ZFPM2: variants seen among roughly 807,000 people sequenced by gnomAD.
ZFPM2 encodes the protein zinc finger protein ZFPM2.
Under a neutral mutation model 98.6 loss-of-function variants are expected in ZFPM2, and 20 were observed. That is an observed-to-expected ratio of 0.20 (90% CI 0.14 to 0.29). ZFPM2 has a LOEUF of 0.29. ZFPM2 is among the 10% of genes least tolerant of loss of function. ZFPM2 has a pLI of 1.00. For missense variants in ZFPM2, 1,310 were observed against 1,388.6 expected, an observed-to-expected ratio of 0.94 and a Z score of 0.90; for synonymous variants, 518 against 502.7, an observed-to-expected ratio of 1.03 and a Z score of -0.41.
intron 5 of ZFPM2, among the ~76,000 whole-genome samples, chr8:105,699,372 A>G (rs1033499612): frequency 6.6e-6 from 1 of 152,140 alleles, no homozygotes; most frequent in Non-Finnish European, 1.5e-5. Flanking sequence ...AAGAGAGATG[A>G]TGTTATTAAA....
chr8:105,417,217 TTAAC>T (rs755126176), intron 1 of ZFPM2, among the ~76,000 whole-genome samples: 88 of 152,248 alleles, frequency 5.8e-4, no homozygotes, highest in Non-Finnish European at 1.1e-3. Context: ...CTTATTCTAG[TTAAC>T]TAACCTCGTG....
chr8:105,382,712 T>C (rs538452841), intron 1 of ZFPM2, among the ~76,000 whole-genome samples: 8 of 152,118 alleles, frequency 5.3e-5, no homozygotes, highest in Admixed American at 6.6e-5. Flanking sequence ...AGACTAAGTA[T>C]AGGGGAAGGT....
Position 105,801,282 on chromosome 8 carries a change from T to C in ZFPM2, c.1200T>C (p.Ser400=). 1.9e-6 allele frequency: 3 copies of C among 1,613,818 alleles called. No individual in the cohort carries two copies. The highest frequency in any genetic ancestry group is 2.5e-6 in the Non-Finnish European group (3 of 1,179,844). The part of the protein sequence containing the change: ...KLPRESDMEH[S]PSATEDSLQP... Reference sequence around the variant, plus strand: ...CCAGAGAAAGTGACATGGAACACTCTCCAAGTGCAACTGAAGACAGCTTAC... The same window carrying C: ...CCAGAGAAAGTGACATGGAACACTCCCCAAGTGCAACTGAAGACAGCTTAC... Residue 400 remains serine (S), a synonymous_variant, in exon 8 of 8, where the codon TCT becomes TCC. Transcript: ENST00000407775.
chr8:105,337,705 A>C (rs1177749337), intron 1 of ZFPM2, among the ~76,000 whole-genome samples: 5 of 151,476 alleles, frequency 3.3e-5, no homozygotes, highest in East Asian at 1.9e-4. Flanking sequence ...ACAGAGATGA[A>C]AATTCTTTTT....
chr8:105,467,409 C>T (rs765615997), intron 3 of ZFPM2, among the ~76,000 whole-genome samples: 1 of 152,050 alleles, frequency 6.6e-6, no homozygotes, highest in African/African-American at 2.4e-5. Context: ...TAGAGGTGCT[C>T]AGTTATTGCT....
chr8:105,579,771 T>C (rs1181335660), intron 4 of ZFPM2, among the ~76,000 whole-genome samples: 1 of 152,224 alleles, frequency 6.6e-6, no homozygotes, highest in Admixed American at 6.5e-5. Context: ...AGTATTTCCA[T>C]GTTTCTTTCC....
chr8:105,406,809 G>T (rs1811468278), intron 1 of ZFPM2, among the ~76,000 whole-genome samples: 1 of 151,976 alleles, frequency 6.6e-6, no homozygotes, highest in South Asian at 2.1e-4. Context: ...CATAGGGGAG[G>T]CCTAGAGGAT....
chr8:105,703,777 T>C (rs1811197196), intron 5 of ZFPM2, among the ~76,000 whole-genome samples: 1 of 152,354 alleles, frequency 6.6e-6, no homozygotes, highest in South Asian at 2.1e-4. Context: ...ATAGGAACAC[T>C]ATCTTCATTG....
At chr8:105,730,769 C>CTTTTTTT in intron 5 of ZFPM2, among the ~76,000 whole-genome samples, 2 of 118,858 alleles carry the variant, frequency 1.7e-5, no homozygotes, top group African/African-American at 6.1e-5. Flanking sequence ...TGAACTTTTT[C>CTTTTTTT]TTTTTTCTTT....
chr8:105,779,942 G>T (rs3779783), intron 5 of ZFPM2, among the ~76,000 whole-genome samples: 25,391 of 152,138 alleles, frequency 0.17, 3,751 homozygotes, highest in African/African-American at 0.4. Flanking sequence ...TGTAGTACAC[G>T]TCACTGCGGT....
At chr8:105,744,215 T>C (rs1194364332) in intron 5 of ZFPM2, among the ~76,000 whole-genome samples, 5 of 152,112 alleles carry the variant, frequency 3.3e-5, no homozygotes, top group African/African-American at 7.2e-5. Flanking sequence ...TTTATCATTC[T>C]TTTTATAGCT....
rs771923819 is a variant in ZFPM2 at position 105,801,356 on chromosome 8, A to T, written c.1274A>T (p.Lys425Met). 10 of 1,613,958 alleles carry T rather than the reference A, an allele frequency of 6.2e-6. No homozygotes were observed. In the Admixed American group the frequency reaches 1.7e-4, roughly 27 times the overall value. ...LTRSELPQSQ[K>M]AMQTKDASSD... ...AGAAGCGAACTTCCCCAGAGCCAAA[A>T]GGCCATGCAGACTAAAGATGCGAGC... is the stretch of plus-strand genomic sequence containing the variant. Residue 425 changes from lysine (K) to methionine (M), a missense_variant, in exon 8 of 8, where the codon AAG becomes ATG. Coordinates refer to ENST00000407775, the MANE Select transcript of ZFPM2 (RefSeq NM_012082.4).
intron 1 of ZFPM2, among the ~76,000 whole-genome samples, chr8:105,388,662 G>A (rs538722651): frequency 6.6e-6 from 1 of 152,204 alleles, no homozygotes; most frequent in African/African-American, 2.4e-5. Context: ...CAGCATTGGA[G>A]AATATGTCTT....
chr8:105,377,094 T>C (rs915831475), intron 1 of ZFPM2, among the ~76,000 whole-genome samples: 1 of 152,152 alleles, frequency 6.6e-6, no homozygotes, highest in Non-Finnish European at 1.5e-5. Context: ...CTGTTCACCC[T>C]GTCTTGAATG....
At chr8:105,617,821 A>G (rs1005196275) in intron 4 of ZFPM2, among the ~76,000 whole-genome samples, 2 of 152,196 alleles carry the variant, frequency 1.3e-5, no homozygotes, top group Non-Finnish European at 2.9e-5. Context: ...TTTAAAATCT[A>G]TTCTATGTTA....
intron 5 of ZFPM2, among the ~76,000 whole-genome samples, chr8:105,644,101 T>C (rs1390878281): frequency 6.6e-6 from 1 of 152,014 alleles, no homozygotes; most frequent in Non-Finnish European, 1.5e-5. Flanking sequence ...TACAAACTTA[T>C]TACTTGGCCT....
chr8:105,693,536 G>A (rs189615648), intron 5 of ZFPM2, among the ~76,000 whole-genome samples: 5 of 152,208 alleles, frequency 3.3e-5, no homozygotes, highest in African/African-American at 7.2e-5. Flanking sequence ...ATAGCCAAGC[G>A]CACTGAAACA....
At chr8:105,716,900 G>A (rs1353290080) in intron 5 of ZFPM2, among the ~76,000 whole-genome samples, 3 of 151,954 alleles carry the variant, frequency 2.0e-5, no homozygotes, top group South Asian at 2.1e-4. Flanking sequence ...CATCAAAGTC[G>A]ATTATTCTGT....
chr8:105,774,218 G>A (rs900430740), intron 5 of ZFPM2, among the ~76,000 whole-genome samples: 5 of 152,032 alleles, frequency 3.3e-5, no homozygotes, highest in Non-Finnish European at 5.9e-5. Context: ...CACTCCCACT[G>A]TTCCTCCAGT....
Sources: allele counts gnomAD v4.1 joint callset (sites outside exome capture counted in the v4.1 genomes callset), GRCh38; gene constraint gnomAD v4.1.1; transcripts MANE v1.5; gene names NCBI Gene and HGNC (gene_info 2026-07-23, HGNC 2026-07-21).